LMNTD1: variants seen among roughly 807,000 people sequenced by gnomAD.
LMNTD1 encodes lamin tail domain-containing protein 1.
In LMNTD1, 35 loss-of-function variants were observed where a neutral mutation model predicts 50.9. The observed-to-expected ratio is 0.69, with a 90% confidence interval of 0.53 to 0.91. LMNTD1 has a LOEUF of 0.91. Among genes scored for constraint, LMNTD1 ranks in the 40% least tolerant of loss-of-function variants. The probability of loss-of-function intolerance (pLI) is 0.00; values close to 1 mark genes in which losing one functional copy is unlikely to be tolerated. For missense variants in LMNTD1, 470 were observed against 475.5 expected (o/e 0.99, Z 0.11); for synonymous variants, 153 against 161.9 (o/e 0.94, Z 0.42).
intron 1 of LMNTD1, among the ~76,000 whole-genome samples, chr12:25,605,852 T>C (rs1039676004): frequency 1.3e-5 from 2 of 152,202 alleles, no homozygotes; most frequent in East Asian, 3.8e-4. Flanking sequence ...TTAAAGTAGT[T>C]TTTTCCAATT....
chr12:25,516,681 G>C (rs1234129743), intron 8 of LMNTD1, among the ~76,000 whole-genome samples: 1 of 151,992 alleles, frequency 6.6e-6, no homozygotes, highest in Non-Finnish European at 1.5e-5. Flanking sequence ...CTCAGACATA[G>C]AGCTACATGG....
Position 25,533,172 on chromosome 12 carries a change from C to T in LMNTD1, c.492-6217G>A, listed in dbSNP as rs115634797. 3.3e-3 allele frequency among the ~76,000 whole-genome samples: 498 copies of T among 152,266 alleles called. 4 individuals are homozygous for T. The highest frequency in any genetic ancestry group is 0.012 in the African/African-American group (487 of 41,562). On this transcript the variant is annotated intron_variant, in intron 4 of 9. Transcript: ENST00000458174. The stretch of plus-strand genomic sequence containing the variant: ...ATTTGCCTTCTTTTTGATATAAGAT[C>T]AATGCATGGAAATTCACAGAGGCAG...
intron 9 of LMNTD1, among the ~76,000 whole-genome samples, chr12:25,501,946 G>A (rs1939413034): frequency 6.6e-6 from 1 of 152,192 alleles, no homozygotes; most frequent in Non-Finnish European, 1.5e-5. Flanking sequence ...GATCAACTCT[G>A]AAGATACCAC....
rs117301861 is a variant in LMNTD1, at chr12:25,532,602, C to A, written c.492-5647G>T. ...GGAATTATGAAATTAATGGGTGTAA[C>A]CTTCTATGAAATCTCGTGATATACA... On this transcript the variant is annotated intron_variant, in intron 4 of 9. Coordinates refer to ENST00000458174, the MANE Select transcript of LMNTD1 (RefSeq NM_001145728.2). Among the ~76,000 whole-genome samples the A allele has an allele frequency of 4.5e-3, 692 of 152,166 alleles. 2 individuals are homozygous for A. Among genetic ancestry groups the A allele is most frequent in the Non-Finnish European group, 7.6e-3 (517 of 67,978 alleles).
intron 9 of LMNTD1, among the ~76,000 whole-genome samples, chr12:25,480,198 G>A (rs1323122687): frequency 6.6e-6 from 1 of 152,218 alleles, no homozygotes; most frequent in Non-Finnish European, 1.5e-5. Context: ...ATGTGTGGCT[G>A]CCACACATGG....
At chr12:25,578,566 T>A (rs891248002) in intron 1 of LMNTD1, among the ~76,000 whole-genome samples, 6 of 152,254 alleles carry the variant, frequency 3.9e-5, no homozygotes, top group African/African-American at 1.4e-4. Context: ...TGTTTAATAC[T>A]ATACTGCTCC....
intron 1 of LMNTD1, among the ~76,000 whole-genome samples, chr12:25,591,952 A>C (rs1945713127): frequency 6.6e-6 from 1 of 152,186 alleles, no homozygotes; most frequent in Non-Finnish European, 1.5e-5. Context: ...CCATTAAAGT[A>C]GTACCTCTAT....
chr12:25,594,775 A>G (rs1945805145), intron 1 of LMNTD1, among the ~76,000 whole-genome samples: 1 of 152,108 alleles, frequency 6.6e-6, no homozygotes, highest in Non-Finnish European at 1.5e-5. Context: ...TCCACTTAAA[A>G]GACTCAGAAT....
intron 1 of LMNTD1, among the ~76,000 whole-genome samples, chr12:25,588,182 C>CA (rs1458272401): frequency 1.3e-5 from 2 of 151,976 alleles, no homozygotes; most frequent in African/African-American, 4.8e-5. Context: ...AATAAGGTAC[C>CA]AATAAAACAA....
intron 1 of LMNTD1, among the ~76,000 whole-genome samples, chr12:25,636,340 T>C (rs766509615): frequency 6.6e-6 from 1 of 151,938 alleles, no homozygotes; most frequent in Non-Finnish European, 1.5e-5. Flanking sequence ...AATAGACAAT[T>C]CTCAAAAGAA....
chr12:25,530,255 G>C (rs967724663), intron 4 of LMNTD1, among the ~76,000 whole-genome samples: 1 of 152,102 alleles, frequency 6.6e-6, no homozygotes, highest in Non-Finnish European at 1.5e-5. Flanking sequence ...TGCAAGAAGA[G>C]ACTTTAAAAA....
intron 7 of LMNTD1, 45 bp downstream of exon 7, chr12:25,519,813 T>C (rs535809204): frequency 5.6e-6 from 7 of 1,255,422 alleles, no homozygotes; most frequent in East Asian, 2.3e-5. Flanking sequence ...TAGTTACTAA[T>C]TGTGGGAAGG....
At chr12:25,621,024 G>T (rs1186006581) in intron 1 of LMNTD1, among the ~76,000 whole-genome samples, 1 of 152,140 alleles carries the variant, frequency 6.6e-6, no homozygotes, top group Non-Finnish European at 1.5e-5. Context: ...ACTGACATCA[G>T]ACACTGGGCT....
At chr12:25,496,383 A>G (rs1418285518) in intron 9 of LMNTD1, among the ~76,000 whole-genome samples, 1 of 152,218 alleles carries the variant, frequency 6.6e-6, no homozygotes, top group Non-Finnish European at 1.5e-5. Context: ...TCCTCAAAAC[A>G]TTATGACTGC....
chr12:25,481,900 C>CACAT (rs1938459040), intron 9 of LMNTD1, among the ~76,000 whole-genome samples: 1 of 149,492 alleles, frequency 6.7e-6, no homozygotes, highest in Non-Finnish European at 1.5e-5. Context: ...CACACACACA[C>CACAT]ACACACATAT....
intron 1 of LMNTD1, among the ~76,000 whole-genome samples, chr12:25,558,461 A>G (rs1189665861): frequency 6.9e-6 from 1 of 145,180 alleles, no homozygotes; most frequent in East Asian, 1.9e-4. Flanking sequence ...AGGTTTTGGT[A>G]TATGTGTTTC....
chr12:25,551,877 C>T (rs1317968636), intron 2 of LMNTD1, among the ~76,000 whole-genome samples: 1 of 152,152 alleles, frequency 6.6e-6, no homozygotes, highest in Non-Finnish European at 1.5e-5. Context: ...ATTTTCTAAG[C>T]CCCTTCTTGG....
intron 1 of LMNTD1, among the ~76,000 whole-genome samples, chr12:25,641,469 T>C (rs1347691706): frequency 6.6e-6 from 1 of 152,164 alleles, no homozygotes; most frequent in Non-Finnish European, 1.5e-5. Flanking sequence ...TGACCTGAGG[T>C]AAGTATTTAA....
At chr12:25,627,707 T>C (rs182817724) in intron 1 of LMNTD1, among the ~76,000 whole-genome samples, 2 of 152,350 alleles carry the variant, frequency 1.3e-5, no homozygotes, top group Non-Finnish European at 2.9e-5. Context: ...CATATGTTTA[T>C]TCCACAACAC....
Sources: allele counts gnomAD v4.1 joint callset (sites outside exome capture counted in the v4.1 genomes callset), GRCh38; gene constraint gnomAD v4.1.1; transcripts MANE v1.5; gene names NCBI Gene and HGNC (gene_info 2026-07-23, HGNC 2026-07-21).